WTIP: variants seen among roughly 807,000 people sequenced by gnomAD.
WTIP encodes WT1 interacting protein, also known as Wilms tumor protein 1-interacting protein.
In WTIP, 23 loss-of-function variants were observed where a neutral mutation model predicts 41.7. The ratio of observed to expected loss-of-function variants is 0.55; its 90% CI spans 0.40 to 0.78. WTIP has a LOEUF of 0.78. Among genes scored for constraint, WTIP ranks in the 30% least tolerant of loss-of-function variants. The pLI is 0.00. For missense variants in WTIP, 619 were observed against 610.5 expected (o/e 1.01, Z -0.15); for synonymous variants, 314 against 269.9 (o/e 1.16, Z -1.60).
At chr19:34,489,754 C>T (rs1007662389) in intron 1 of WTIP, among the ~76,000 whole-genome samples, 6 of 152,236 alleles carry the variant, frequency 3.9e-5, no homozygotes, top group Admixed American at 1.3e-4. Context: ...CTGGGCAACA[C>T]AGCAATACCC....
At position 34,493,814 on chromosome 19, in the gene WTIP, G is replaced by T. The variant is rs948026270; in HGVS notation, c.1031+192G>T. 2.0e-5 allele frequency among the ~76,000 whole-genome samples: 3 copies of T among 152,036 alleles called. No individual in the cohort carries two copies. Among genetic ancestry groups the T allele is most frequent in the Non-Finnish European group, 4.4e-5 (3 of 68,002 alleles). On this transcript the variant is annotated intron_variant, in intron 5 of 7. Transcript: ENST00000590071. This position sits in a 1 kb window ranked among gnomAD's most constrained non-coding sequence, Gnocchi z 4.1. ...CCCTCTCCTGGTGGTCCGGCCACCAGCTGTCTTTTGCCTCTTCTCTCCCTA... is the reference window on the plus strand; with the variant it reads ...CCCTCTCCTGGTGGTCCGGCCACCATCTGTCTTTTGCCTCTTCTCTCCCTA...
chr19:34,482,104 G>C lies in WTIP; in HGVS notation c.130G>C (p.Glu44Gln). 1.9e-6 allele frequency: 2 copies of C among 1,043,904 alleles called. No individual in the cohort carries two copies. The highest frequency in any genetic ancestry group is 2.3e-6 in the Non-Finnish European group (2 of 869,314). 64.7% of individuals were successfully genotyped at this position (1,043,904 alleles called of 1,614,324 possible). A position where few individuals can be genotyped will look rare whatever the true frequency, so the allele number is the denominator to read the frequency against. The change falls in exon 1 of 8, where the codon GAG becomes CAG. Residue 44 changes from glutamate (E) to glutamine (Q), a missense_variant. Coordinates refer to ENST00000590071, the MANE Select transcript of WTIP (RefSeq NM_001080436.2). ...GGGGCCGCGGCCTGGGCCTGGAGAC[G>C]AGGCGGCGCCCGCGCTGGGCCGCAG... ...RRGPRPGPGD[E>Q]AAPALGRRGK...
At chr19:34,498,395 A>G (rs1228336495) in intron 7 of WTIP, among the ~76,000 whole-genome samples, 1 of 152,008 alleles carries the variant, frequency 6.6e-6, no homozygotes, top group Non-Finnish European at 1.5e-5. Context: ...AGCAGCTTGG[A>G]GCACAGGGCC....
rs34968931 is a variant in WTIP at position 34,503,792 on chromosome 19, T to TG, written c.*3525dup. 0.058 allele frequency: 8,893 copies of TG among 152,516 alleles called. 439 individuals carry two copies. Among genetic ancestry groups the TG allele is most frequent in the Admixed American group, 0.16 (2,382 of 15,286 alleles). The allele number at this position is 152,516 out of a possible 1,614,324, so 9.4% of individuals were successfully genotyped here. On this transcript the variant is annotated 3_prime_UTR_variant, in exon 8 of 8. Transcript: ENST00000590071. ...GACCCTGCCCTGGCCTTCAGGGTCT[T>TG]GGCTTAGTTCCACCTGCACTGGTCC...
intron 1 of WTIP, 79 bp from the exon 2 acceptor site, chr19:34,490,297 G>A (rs1034163199): frequency 2.9e-5 from 39 of 1,347,442 alleles, no homozygotes; most frequent in Middle Eastern, 3.8e-4. Flanking sequence ...GCGGGTGGGC[G>A]GTGTCAAGAC....
At chr19:34,497,457 T>A (rs1416652284) in intron 7 of WTIP, among the ~76,000 whole-genome samples, 1 of 152,034 alleles carries the variant, frequency 6.6e-6, no homozygotes, top group East Asian at 1.9e-4. Flanking sequence ...AAGGGTCCCA[T>A]GATGGACACA....
chr19:34,482,085 G>T lies in WTIP; in HGVS notation c.111G>T (p.Pro37=). 9.6e-7 allele frequency: 1 copy of T among 1,038,090 alleles called. No homozygotes were observed. The highest frequency in any genetic ancestry group is 1.2e-6 in the Non-Finnish European group (1 of 865,492). 64.3% of individuals were successfully genotyped at this position (1,038,090 alleles called of 1,614,324 possible). The change falls in exon 1 of 8, where the codon CCG becomes CCT. Residue 37 remains proline (P), a synonymous_variant. Transcript: ENST00000590071. The stretch of plus-strand genomic sequence containing the variant: ...CTCCCGGTCGGGGGCGGCGGGGGCC[G>T]CGGCCTGGGCCTGGAGACGAGGCGG... ...CGSPGRGRRG[P]RPGPGDEAAP...
At chr19:34,483,006 CTTT>C (rs1307348148) in intron 1 of WTIP, among the ~76,000 whole-genome samples, 6 of 123,006 alleles carry the variant, frequency 4.9e-5, no homozygotes, top group Admixed American at 3.3e-4. Context: ...TTTCTTTCTT[CTTT>C]TTTTTTTTTT....
Position 34,494,834 on chromosome 19 carries a change from G to A in WTIP, c.1083+197G>A, listed in dbSNP as rs1253215817. ...GCTGTCCCCTGGCACAAGGTCGAGGGAAGTGGTGGCCCCTGCCGCTCAGCT... is the reference window on the plus strand; with the variant it reads ...GCTGTCCCCTGGCACAAGGTCGAGGAAAGTGGTGGCCCCTGCCGCTCAGCT... On this transcript the variant is annotated intron_variant, in intron 6 of 7. Coordinates refer to ENST00000590071, the MANE Select transcript of WTIP (RefSeq NM_001080436.2). Among the ~76,000 whole-genome samples, 3 of 152,358 alleles carry A rather than the reference G, an allele frequency of 2.0e-5. No individual in the cohort carries two copies. In the East Asian group the frequency reaches 5.8e-4, roughly 29 times the overall value.
intron 2 of WTIP, among the ~76,000 whole-genome samples, chr19:34,491,434 C>A (rs1315898142): frequency 6.6e-6 from 1 of 152,056 alleles, no homozygotes; most frequent in Non-Finnish European, 1.5e-5. Context: ...AGCGATTCTT[C>A]TGCCTCAGCC....
intron 1 of WTIP, among the ~76,000 whole-genome samples, chr19:34,489,412 A>ATACAGAGGAGGACAGAGTGGG (rs989327747): frequency 1.3e-5 from 2 of 151,956 alleles, no homozygotes; most frequent in Non-Finnish European, 1.5e-5. Flanking sequence ...GGACCCTGGC[A>ATACAGAGGAGGACAGAGTGGG]TACAGAGGAG....
At chr19:34,483,702 A>T (rs892142109) in intron 1 of WTIP, among the ~76,000 whole-genome samples, 1 of 152,146 alleles carries the variant, frequency 6.6e-6, no homozygotes, top group African/African-American at 2.4e-5. Flanking sequence ...AGGCCCCCTG[A>T]TCTCTAGTTC....
At chr19:34,500,107 TG>T in intron 7 of WTIP, 21 bp from the exon 8 acceptor site, 1 of 1,597,484 alleles carries the variant, frequency 6.3e-7, no homozygotes. Flanking sequence ...ACTCTGGGGC[TG>T]GGGGCTGTGT....
chr19:34,492,280 A>G (rs78918626), intron 2 of WTIP, among the ~76,000 whole-genome samples: 4 of 148,686 alleles, frequency 2.7e-5, no homozygotes, highest in Non-Finnish European at 5.9e-5. Context: ...ACGACTGGCT[A>G]ATTTTTTTTT....
intron 6 of WTIP, 29 bp downstream of exon 6, chr19:34,494,666 G>C: frequency 6.2e-7 from 1 of 1,609,502 alleles, no homozygotes; most frequent in East Asian, 2.2e-5. Flanking sequence ...GAGATGATCA[G>C]GTGCCTGGCC....
intron 5 of WTIP, 39 bp from the exon 6 acceptor site, chr19:34,494,547 C>A: frequency 6.2e-7 from 1 of 1,606,682 alleles, no homozygotes. Context: ...GGCCTCTGGT[C>A]ACTCAGCTGA....
intron 2 of WTIP, among the ~76,000 whole-genome samples, 161 bp downstream of exon 2, chr19:34,490,638 C>A (rs2075820952): frequency 6.6e-6 from 1 of 152,134 alleles, no homozygotes; most frequent in Admixed American, 6.6e-5. Context: ...GCATGGGGCC[C>A]CTGAGGAGCC....
At position 34,509,056 on chromosome 19, in the gene WTIP, C is replaced by A. The variant is rs1258401434; in HGVS notation, c.*8787C>A. On this transcript the variant is annotated 3_prime_UTR_variant, in exon 8 of 8. Coordinates refer to ENST00000590071, the MANE Select transcript of WTIP (RefSeq NM_001080436.2). ...GTGATAAATAATATGGCAGTTAGAG[C>A]TGGGTGCACTTGGCTCCTGCCTGTG... is the stretch of plus-strand genomic sequence containing the variant. 6.6e-6 allele frequency: 1 copy of A among 152,210 alleles called. No individual in the cohort carries two copies. Among genetic ancestry groups the A allele is most frequent in the Non-Finnish European group, 1.5e-5 (1 of 68,038 alleles). The allele number at this position is 152,210 out of a possible 1,614,324, so 9.4% of individuals were successfully genotyped here.
At chr19:34,495,642 C>A in intron 6 of WTIP, 61 bp from the exon 7 acceptor site, 1 of 1,585,010 alleles carries the variant, frequency 6.3e-7, no homozygotes, top group South Asian at 1.1e-5. Context: ...AGTGTACACT[C>A]ACGCAGTTTG....
Sources: allele counts gnomAD v4.1 joint callset (sites outside exome capture counted in the v4.1 genomes callset), GRCh38; gene constraint gnomAD v4.1.1; non-coding constraint Gnocchi (gnomAD v3.1); transcripts MANE v1.5; gene names NCBI Gene and HGNC (gene_info 2026-07-23, HGNC 2026-07-21).